Variants in R3HCC1L observed in about 807,000 individuals in gnomAD.
The protein encoded by R3HCC1L is R3H domain and coiled-coil containing 1 like.
Under a neutral mutation model 59.9 loss-of-function variants are expected in R3HCC1L, and 51 were observed. The observed-to-expected ratio is 0.85, with a 90% CI of 0.68 to 1.07. The LOEUF (loss-of-function observed/expected upper bound fraction) is 1.07. Among genes scored for constraint, R3HCC1L ranks in the 50% least tolerant of loss-of-function variants. The pLI is 0.00. For synonymous variants in R3HCC1L, 322 were observed against 315.2 expected, an observed-to-expected ratio of 1.02 and a Z score of -0.23; for missense variants, 965 against 933.0, an observed-to-expected ratio of 1.03 and a Z score of -0.45.
intron 5 of R3HCC1L, among the ~76,000 whole-genome samples, chr10:98,228,923 G>A (rs370238266): frequency 5.9e-5 from 9 of 152,144 alleles, no homozygotes; most frequent in African/African-American, 2.2e-4. Context: ...TGAGGCCTCT[G>A]TTCTGTTCCA....
rs970106634 is a variant in R3HCC1L, at chr10:98,244,399, A to G, written c.*241A>G. On this transcript the variant is annotated 3_prime_UTR_variant, in exon 10 of 10. Coordinates refer to ENST00000298999, the MANE Select transcript of R3HCC1L (RefSeq NM_001351015.2). ...GTAGGGAGCCATCAGCTAGGAAGAA[A>G]CGTGGGAGATGTGAATTCCAAGAGT... 2.9e-5 allele frequency: 11 copies of G among 377,510 alleles called. No homozygotes were observed. The highest frequency in any genetic ancestry group is 3.9e-5 in the Non-Finnish European group (8 of 203,280). 23.4% of individuals were successfully genotyped at this position (377,510 alleles called of 1,614,324 possible).
At chr10:98,149,677 C>A (rs1265141625) in intron 1 of R3HCC1L, among the ~76,000 whole-genome samples, 1 of 152,086 alleles carries the variant, frequency 6.6e-6, no homozygotes, top group Admixed American at 6.5e-5. Flanking sequence ...TAATTTTGTT[C>A]CATTGTAGTC....
At chr10:98,167,515 A>G (rs978326158) in intron 4 of R3HCC1L, among the ~76,000 whole-genome samples, 4 of 152,250 alleles carry the variant, frequency 2.6e-5, no homozygotes, top group Non-Finnish European at 5.9e-5. Flanking sequence ...GGTATTTTAA[A>G]AATTAAACTG....
chr10:98,209,719 C>T lies in R3HCC1L; in HGVS notation c.1605C>T (p.Asp535=). The T allele has an allele frequency of 6.2e-7, 1 of 1,613,900 alleles. No homozygotes were observed. Among genetic ancestry groups the T allele is most frequent in the Non-Finnish European group, 8.5e-7 (1 of 1,179,886 alleles). ...AEEFKTEEQD[D]SGSIEFGVSF... The stretch of plus-strand genomic sequence containing the variant: ...AGTTCAAAACAGAAGAGCAAGATGA[C>T]TCAGGGAGTATAGAATTTGGTGTAT... Residue 535 remains aspartate (D), a synonymous_variant, in exon 5 of 10, where the codon GAC becomes GAT. Transcript: ENST00000298999.
In R3HCC1L at chr10:98,167,412, G is replaced by T. The variant is rs528071624; in HGVS notation, c.-15+4015G>T. ...TCACACCTGCTGGTATAGCTCCAAG[G>T]AGGGAGGTGATAGATACGGAGCTGT... On this transcript the variant is annotated intron_variant, in intron 4 of 9. Transcript: ENST00000298999. Among the ~76,000 whole-genome samples, 98 of 152,338 alleles carry T rather than the reference G, an allele frequency of 6.4e-4. 1 individual carries two copies. The South Asian group carries it at 8.1e-3, about 13-fold the overall frequency.
chr10:98,200,312 A>G (rs905752730), intron 4 of R3HCC1L, among the ~76,000 whole-genome samples: 5 of 152,138 alleles, frequency 3.3e-5, no homozygotes, highest in African/African-American at 4.8e-5. Flanking sequence ...ACCAGGATAC[A>G]TGGTTGCAAT....
intron 1 of R3HCC1L, among the ~76,000 whole-genome samples, chr10:98,151,256 G>C (rs951525398): frequency 1.3e-5 from 2 of 152,218 alleles, no homozygotes; most frequent in African/African-American, 4.8e-5. Context: ...AGAAGGTCTA[G>C]TGTGCGCTGG....
At chr10:98,222,439 G>A (rs1196660310) in intron 5 of R3HCC1L, among the ~76,000 whole-genome samples, 3 of 151,922 alleles carry the variant, frequency 2.0e-5, no homozygotes, top group Non-Finnish European at 4.4e-5. Context: ...GGTGAGAGAC[G>A]GCATCCCTGT....
chr10:98,159,423 C>T (rs550292955), intron 2 of R3HCC1L, among the ~76,000 whole-genome samples: 1 of 152,284 alleles, frequency 6.6e-6, no homozygotes, highest in Non-Finnish European at 1.5e-5. Context: ...TATTCATAGT[C>T]ACAGTCCCTT....
intron 5 of R3HCC1L, among the ~76,000 whole-genome samples, chr10:98,224,108 G>A (rs992508929): frequency 5.9e-5 from 9 of 152,026 alleles, no homozygotes; most frequent in African/African-American, 1.7e-4. Flanking sequence ...CTTGGGTGCC[G>A]CTCATTGTTG....
intron 4 of R3HCC1L, among the ~76,000 whole-genome samples, chr10:98,205,528 G>C (rs143390182): frequency 6.6e-6 from 1 of 152,048 alleles, no homozygotes; most frequent in Non-Finnish European, 1.5e-5. Flanking sequence ...CTAAGAAGTC[G>C]CTCACATCAT....
At chr10:98,206,122 G>A (rs985382682) in intron 4 of R3HCC1L, among the ~76,000 whole-genome samples, 2 of 151,920 alleles carry the variant, frequency 1.3e-5, no homozygotes, top group African/African-American at 4.8e-5. Context: ...AGACCTCTTT[G>A]GGCAAGAATT....
rs1355461900 is a variant in R3HCC1L, at chr10:98,208,790, T to G, written c.676T>G (p.Ser226Ala). ...ILYEFPRVFS[S>A]VMKPENMIVP... is the part of the protein sequence containing the mutation. ...ATATGAGTTTCCTAGAGTTTTTAGTTCTGTCATGAAACCTGAGAATATGAT... is the reference window on the plus strand; with the variant it reads ...ATATGAGTTTCCTAGAGTTTTTAGTGCTGTCATGAAACCTGAGAATATGAT... Residue 226 changes from serine (S) to alanine (A), a missense_variant, in exon 5 of 10, where the codon TCT (serine) becomes GCT (alanine). Ser to Ala is a moderately conservative substitution (Grantham distance 99). Coordinates refer to ENST00000298999, the MANE Select transcript of R3HCC1L (RefSeq NM_001351015.2). 1 of 1,614,044 alleles carries G rather than the reference T, an allele frequency of 6.2e-7. No individual in the cohort carries two copies.
At chr10:98,242,623 T>A (rs1202135150) in intron 9 of R3HCC1L, among the ~76,000 whole-genome samples, 1 of 152,236 alleles carries the variant, frequency 6.6e-6, no homozygotes, top group Non-Finnish European at 1.5e-5. Flanking sequence ...GGGCCTGTTA[T>A]ATTTTTCTAC....
At chr10:98,186,746 C>G (rs1850262207) in intron 4 of R3HCC1L, among the ~76,000 whole-genome samples, 1 of 152,120 alleles carries the variant, frequency 6.6e-6, no homozygotes, top group Non-Finnish European at 1.5e-5. Context: ...AGGCGTGAAG[C>G]TTATGAAGGC....
chr10:98,193,095 A>C (rs1851037477), intron 4 of R3HCC1L, among the ~76,000 whole-genome samples: 1 of 139,038 alleles, frequency 7.2e-6, no homozygotes, highest in Non-Finnish European at 1.6e-5. Context: ...TGATAAAAAC[A>C]CTCAACAACC....
At chr10:98,153,307 T>A (rs1362322709) in intron 1 of R3HCC1L, among the ~76,000 whole-genome samples, 1 of 152,150 alleles carries the variant, frequency 6.6e-6, no homozygotes, top group Non-Finnish European at 1.5e-5. Flanking sequence ...ATCTATGACC[T>A]TACCCCCAAC....
At chr10:98,232,978 C>G (rs1257126670) in intron 6 of R3HCC1L, among the ~76,000 whole-genome samples, 1 of 152,056 alleles carries the variant, frequency 6.6e-6, no homozygotes, top group Non-Finnish European at 1.5e-5. Context: ...GTGAATGGAT[C>G]CTGGATGACA....
intron 4 of R3HCC1L, among the ~76,000 whole-genome samples, chr10:98,204,946 C>T (rs2135184622): frequency 1.3e-5 from 2 of 152,086 alleles, no homozygotes; most frequent in Middle Eastern, 3.4e-3. Context: ...CCTGACAGTC[C>T]ACAAGAATGG....
Sources: gnomAD v4.1 joint callset for allele counts (sites outside exome capture counted in the v4.1 genomes callset) on GRCh38, gnomAD v4.1.1 for gene constraint, MANE v1.5 for transcripts, NCBI Gene and HGNC (gene_info 2026-07-23, HGNC 2026-07-21) for gene names.